DOCK2: variants seen among roughly 807,000 people sequenced by gnomAD.
The protein encoded by DOCK2 is dedicator of cytokinesis protein 2.
Under a neutral mutation model 248.9 loss-of-function variants are expected in DOCK2, and 87 were observed. The ratio of observed to expected loss-of-function variants is 0.35; its 90% CI spans 0.29 to 0.42. DOCK2 has a LOEUF of 0.42. DOCK2 is among the 10% of genes least tolerant of loss of function. The pLI, the probability that DOCK2 is intolerant of heterozygous loss-of-function variation, is 1.00. For synonymous variants in DOCK2, 805 were observed against 821.6 expected, an observed-to-expected ratio of 0.98 and a Z score of 0.35; for missense variants, 1,747 against 2,300.2, an observed-to-expected ratio of 0.76 and a Z score of 4.92.
chr5:169,649,607 G>A (rs576717592), intron 1 of DOCK2, among the ~76,000 whole-genome samples: 1 of 152,332 alleles, frequency 6.6e-6, no homozygotes. Context: ...ATGTGTAATA[G>A]AGTGTGATGC....
intron 35 of DOCK2, among the ~76,000 whole-genome samples, chr5:170,035,531 A>G (rs1756295112): frequency 6.6e-6 from 1 of 152,202 alleles, no homozygotes; most frequent in African/African-American, 2.4e-5. Flanking sequence ...GATCATGAAG[A>G]GGTGTTTTCC....
chr5:169,976,785 C>T (rs957229479), intron 27 of DOCK2, among the ~76,000 whole-genome samples: 2 of 152,132 alleles, frequency 1.3e-5, no homozygotes, highest in Admixed American at 6.6e-5. Context: ...ATGCCCACAG[C>T]GTCAGGCAGG....
intron 1 of DOCK2, 76 bp downstream of exon 1, chr5:169,637,445 G>A: frequency 2.3e-6 from 3 of 1,284,370 alleles, no homozygotes; most frequent in Non-Finnish European, 9.9e-7. Context: ...ATGCTGCGGG[G>A]CCGGCGGCGC....
At position 170,069,626 on chromosome 5, in the gene DOCK2, T is replaced by C. The variant is rs79717172; in HGVS notation, c.4728+406T>C. Among the ~76,000 whole-genome samples the C allele has an allele frequency of 6.7e-3, 1,017 of 152,180 alleles. 11 individuals are homozygous for C. Among genetic ancestry groups the C allele is most frequent in the African/African-American group, 0.024 (980 of 41,524 alleles). ...GAGCCCCTACTCCCACTTCTCCTCC[T>C]TTTAGAGCTGACCCACTTTGTTGCA... On this transcript the variant is annotated intron_variant, in intron 46 of 51. Transcript: ENST00000520908.
intron 27 of DOCK2, among the ~76,000 whole-genome samples, chr5:169,867,481 CATCT>C (rs1401692358): frequency 6.6e-6 from 1 of 152,134 alleles, no homozygotes; most frequent in African/African-American, 2.4e-5. Flanking sequence ...ATCCATCTAT[CATCT>C]ATCTAATCTA....
At chr5:169,929,171 G>T (rs895220725) in intron 27 of DOCK2, among the ~76,000 whole-genome samples, 2 of 152,190 alleles carry the variant, frequency 1.3e-5, no homozygotes, top group African/African-American at 4.8e-5. Context: ...ATAGCAGGGG[G>T]TTAAAGGTGT....
At chr5:169,855,415 TG>T (rs1770833022) in intron 27 of DOCK2, among the ~76,000 whole-genome samples, 1 of 152,062 alleles carries the variant, frequency 6.6e-6, no homozygotes, top group African/African-American at 2.4e-5. Flanking sequence ...GGCAAGGAGA[TG>T]GGGTTGGGGG....
At chr5:169,773,448 T>TTG (rs1765209170) in intron 25 of DOCK2, among the ~76,000 whole-genome samples, 2 of 110,972 alleles carry the variant, frequency 1.8e-5, no homozygotes, top group East Asian at 3.8e-4. Context: ...AATAAACTCT[T>TTG]CGTGTGTGTG....
At chr5:169,963,515 G>T (rs1332582687) in intron 27 of DOCK2, among the ~76,000 whole-genome samples, 3 of 152,154 alleles carry the variant, frequency 2.0e-5, no homozygotes, top group Non-Finnish European at 4.4e-5. Context: ...AATTGTGCAT[G>T]TCCCTTAGAG....
At chr5:169,972,180 A>C (rs1352515316) in intron 27 of DOCK2, among the ~76,000 whole-genome samples, 1 of 152,210 alleles carries the variant, frequency 6.6e-6, no homozygotes, top group African/African-American at 2.4e-5. Context: ...GTAGTTTCTC[A>C]AATCCTACAT....
chr5:169,972,582 TAGATGATAGATA>T (rs1320562254), intron 27 of DOCK2, among the ~76,000 whole-genome samples: 869 of 61,432 alleles, frequency 0.014, 5 homozygotes, highest in African/African-American at 0.054. Context: ...GATAGATAGA[TAGATGATAGATA>T]GATAGATAGA....
chr5:170,012,702 G>A (rs930725131), intron 32 of DOCK2, among the ~76,000 whole-genome samples: 3 of 152,206 alleles, frequency 2.0e-5, no homozygotes, highest in African/African-American at 7.2e-5. Flanking sequence ...GACGCCAAAT[G>A]GAATTTACTT....
intron 23 of DOCK2, among the ~76,000 whole-genome samples, chr5:169,751,002 G>T (rs1237710924): frequency 3.9e-5 from 6 of 152,202 alleles, no homozygotes; most frequent in African/African-American, 1.4e-4. Flanking sequence ...CATCGTTTCA[G>T]CTTTCTCGGC....
At chr5:169,981,921 T>TA (rs1361934204) in intron 27 of DOCK2, among the ~76,000 whole-genome samples, 1 of 152,208 alleles carries the variant, frequency 6.6e-6, no homozygotes, top group African/African-American at 2.4e-5. Context: ...GCGACTGGCT[T>TA]GATTGTGATA....
At chr5:169,946,561 CCATTCATTCATT>C (rs144258254) in intron 27 of DOCK2, among the ~76,000 whole-genome samples, 4 of 152,198 alleles carry the variant, frequency 2.6e-5, no homozygotes, top group African/African-American at 7.2e-5. Context: ...AGTCACTCAT[CCATTCATTCATT>C]CATTCATTCA....
At chr5:169,964,913 C>T (rs938826437) in intron 27 of DOCK2, among the ~76,000 whole-genome samples, 4 of 152,218 alleles carry the variant, frequency 2.6e-5, no homozygotes, top group African/African-American at 7.2e-5. Flanking sequence ...GGTGAGTCTC[C>T]GTCGCTCATG....
chr5:169,702,645 T>C (rs1441537042), intron 14 of DOCK2: 7 of 441,696 alleles, frequency 1.6e-5, no homozygotes, highest in Admixed American at 8.2e-5. Context: ...TTTCAATGTC[T>C]GTTCCTTTCC....
At chr5:169,796,017 C>T (rs261605) in intron 25 of DOCK2, among the ~76,000 whole-genome samples, 2,589 of 152,264 alleles carry the variant, frequency 0.017, 82 homozygotes, top group African/African-American at 0.059. Context: ...ATTGAAGAGT[C>T]GATTAACCCG....
At chr5:169,707,682 T>C (rs1761352362) in intron 14 of DOCK2, among the ~76,000 whole-genome samples, 2 of 152,136 alleles carry the variant, frequency 1.3e-5, no homozygotes, top group Admixed American at 1.3e-4. Flanking sequence ...AGGCAGGTGC[T>C]CATGTGTCTC....
Sources: gnomAD v4.1 joint callset for allele counts (sites outside exome capture counted in the v4.1 genomes callset) on GRCh38, gnomAD v4.1.1 for gene constraint, MANE v1.5 for transcripts, NCBI Gene and HGNC (gene_info 2026-07-23, HGNC 2026-07-21) for gene names.